SNTG2: variants seen among roughly 807,000 people sequenced by gnomAD.
The protein encoded by SNTG2 is gamma-2-syntrophin.
SNTG2 carries 74 observed loss-of-function variants against 70.9 expected under a neutral mutation model. That is an observed-to-expected ratio of 1.04 (90% confidence interval 0.86 to 1.27). SNTG2 has a LOEUF of 1.27. SNTG2 is among the 50% of genes most tolerant of loss of function. The pLI is 0.00. For missense variants in SNTG2, 717 were observed against 690.7 expected (o/e 1.04, Z -0.43); for synonymous variants, 278 against 273.8 (o/e 1.02, Z -0.15).
intron 1 of SNTG2, among the ~76,000 whole-genome samples, chr2:1,039,259 A>C (rs182178213): frequency 1.3e-5 from 2 of 152,344 alleles, no homozygotes; most frequent in East Asian, 3.9e-4. Flanking sequence ...GTTTTAATGC[A>C]TTCTCTGACT....
At chr2:1,173,392 T>C (rs1205092650) in intron 8 of SNTG2, among the ~76,000 whole-genome samples, 1 of 152,206 alleles carries the variant, frequency 6.6e-6, no homozygotes, top group Non-Finnish European at 1.5e-5. Context: ...TTATAGGATA[T>C]TTTAAGTTCA....
intron 1 of SNTG2, among the ~76,000 whole-genome samples, chr2:1,023,547 GTTA>G (rs72193141): frequency 0.094 from 14,369 of 152,124 alleles, 786 homozygotes; most frequent in Middle Eastern, 0.14. Context: ...TGGGTAATAG[GTTA>G]TTATTATTAT....
chr2:1,307,711 G>C (rs887278727), intron 14 of SNTG2, among the ~76,000 whole-genome samples: 4 of 152,174 alleles, frequency 2.6e-5, no homozygotes, highest in Admixed American at 2.6e-4. Flanking sequence ...TGCTTCTTTC[G>C]TCTGGAGTCG....
chr2:977,806 C>T (rs1476345933), intron 1 of SNTG2, among the ~76,000 whole-genome samples: 2 of 152,088 alleles, frequency 1.3e-5, no homozygotes, highest in African/African-American at 4.8e-5. Context: ...TTTCCGCCCT[C>T]CACAATCTCC....
At chr2:1,239,836 A>C (rs28570180) in intron 11 of SNTG2, 60 bp downstream of exon 11, 173,925 of 1,573,526 alleles carry the variant, frequency 0.11, 10,454 homozygotes, top group South Asian at 0.14. Context: ...GTATTTTCTG[A>C]TTCATGATGT....
chr2:1,214,401 T>G (rs1437432326), intron 9 of SNTG2, among the ~76,000 whole-genome samples: 1 of 152,206 alleles, frequency 6.6e-6, no homozygotes, highest in African/African-American at 2.4e-5. Flanking sequence ...TTTCCATTTT[T>G]GTGTGTCATC....
At chr2:1,042,039 A>G (rs918152131) in intron 1 of SNTG2, among the ~76,000 whole-genome samples, 6 of 152,360 alleles carry the variant, frequency 3.9e-5, no homozygotes, top group Admixed American at 3.3e-4. Context: ...TATTTTATGT[A>G]ACACTACAAA....
At chr2:1,233,226 A>G (rs1265225391) in intron 9 of SNTG2, among the ~76,000 whole-genome samples, 2 of 152,182 alleles carry the variant, frequency 1.3e-5, no homozygotes, top group African/African-American at 2.4e-5. Flanking sequence ...TTTTATAGTT[A>G]CTGGAATCCC....
At chr2:1,163,490 G>A (rs1313172308) in intron 6 of SNTG2, 1 of 151,966 alleles carries the variant, frequency 6.6e-6, no homozygotes, top group Non-Finnish European at 1.5e-5. Flanking sequence ...ACAGGAAGTG[G>A]GCATGTGAGG....
intron 1 of SNTG2, among the ~76,000 whole-genome samples, chr2:1,063,716 T>C (rs952193622): frequency 6.6e-6 from 1 of 152,110 alleles, no homozygotes; most frequent in African/African-American, 2.4e-5. Flanking sequence ...ATACTGAAAT[T>C]GAAGATAGAT....
At chr2:1,346,436 G>C (rs1242909064) in intron 16 of SNTG2, 2 of 152,370 alleles carry the variant, frequency 1.3e-5, no homozygotes, top group African/African-American at 4.8e-5. Context: ...CTGATGTCCG[G>C]ACTTGCTCAA....
At chr2:1,288,821 C>A (rs1255580474) in intron 14 of SNTG2, among the ~76,000 whole-genome samples, 2 of 152,122 alleles carry the variant, frequency 1.3e-5, no homozygotes, top group Non-Finnish European at 2.9e-5. Context: ...CATGCCACAC[C>A]CACTTTTGTG....
intron 14 of SNTG2, among the ~76,000 whole-genome samples, chr2:1,271,977 A>C (rs1487707022): frequency 3.3e-5 from 5 of 152,046 alleles, no homozygotes; most frequent in East Asian, 1.9e-4. Context: ...GCTTCTGTGA[A>C]CCAACATCCA....
intron 16 of SNTG2, among the ~76,000 whole-genome samples, chr2:1,361,830 A>G (rs201627153): frequency 0.12 from 4,203 of 33,632 alleles, 1 homozygote; most frequent in East Asian, 0.29. Context: ...ACTTCCATGA[A>G]AGTCACGGAT....
rs1677452845 is a variant in SNTG2, at chr2:1,246,728, T to A, written c.889-599T>A. ...AGATAACATGGATTTTTCTTTAATA[T>A]TAGATTGAATTCACTGAATTCTTAA... On this transcript the variant is annotated intron_variant, in intron 11 of 16. Coordinates refer to ENST00000308624, the MANE Select transcript of SNTG2 (RefSeq NM_018968.4). 7.6e-4 allele frequency among the ~76,000 whole-genome samples: 4 copies of A among 5,260 alleles called. No homozygotes were observed. The South Asian group carries it at 0.039, about 52-fold the overall frequency. 3.5% of individuals were successfully genotyped at this position (5,260 alleles called of 152,430 possible). A position where few individuals can be genotyped will look rare whatever the true frequency, so the allele number is the denominator to read the frequency against.
chr2:1,221,205 C>T (rs75344531), intron 9 of SNTG2, among the ~76,000 whole-genome samples: 2,728 of 151,508 alleles, frequency 0.018, 79 homozygotes, highest in African/African-American at 0.062. Flanking sequence ...CGAGATTCCC[C>T]GGGTGCTCCT....
rs751398111 is a variant in SNTG2 at position 1,353,767 on chromosome 2, G to C, written c.1489-13576G>C. On this transcript the variant is annotated intron_variant, in intron 16 of 16. Transcript: ENST00000308624. The surrounding 1 kb of genome is among the most constrained non-coding windows in gnomAD (Gnocchi z 4.2). ...GGGCCAGTCATCTCACAGACACTTT[G>C]TGACAAATGTCCAGCAGTTTGTGCA... 6.6e-6 allele frequency: 1 copy of C among 152,218 alleles called. No homozygotes were observed. Among genetic ancestry groups the C allele is most frequent in the African/African-American group, 2.4e-5 (1 of 41,460 alleles). 9.4% of individuals were successfully genotyped at this position (152,218 alleles called of 1,614,324 possible).
At chr2:1,272,565 C>T (rs68123859) in intron 14 of SNTG2, among the ~76,000 whole-genome samples, 1,139 of 78,656 alleles carry the variant, frequency 0.014, 1 homozygote, top group Middle Eastern at 0.05. Flanking sequence ...CCCCAGGGAA[C>T]AGGTGTAGAA....
At chr2:1,273,914 GGA>G (rs1262558561) in intron 14 of SNTG2, among the ~76,000 whole-genome samples, 1 of 152,072 alleles carries the variant, frequency 6.6e-6, no homozygotes, top group Non-Finnish European at 1.5e-5. Context: ...AACTGGCAAA[GGA>G]CTTCTATATG....
Sources: allele counts gnomAD v4.1 joint callset (sites outside exome capture counted in the v4.1 genomes callset), GRCh38; gene constraint gnomAD v4.1.1; non-coding constraint Gnocchi (gnomAD v3.1); transcripts MANE v1.5; gene names NCBI Gene and HGNC (gene_info 2026-07-23, HGNC 2026-07-21).